The following MROH1 variants were observed in gnomAD, a reference collection of about 807,000 sequenced individuals.
The protein encoded by MROH1 is maestro heat like repeat family member 1.
A neutral mutation model predicts 116.5 loss-of-function variants in MROH1; 117 were observed. That is an observed-to-expected ratio of 1.00 (90% CI 0.86 to 1.17). The LOEUF is 1.17. Ranked by LOEUF, MROH1 falls within the 50% of genes most tolerant of loss-of-function variation. The pLI, the probability that MROH1 is intolerant of heterozygous loss-of-function variation, is 0.00. For synonymous variants in MROH1, 921 were observed against 583.9 expected (o/e 1.58, Z -8.32); for missense variants, 1,873 against 1,338.5 (o/e 1.40, Z -6.23).
At position 144,199,164 on chromosome 8, in the gene MROH1, A is replaced by G. The variant is rs1430903804; in HGVS notation, c.991A>G (p.Asn331Asp). ...GTCCTCAAGCCCCCTGGTGATGAGT[A>G]ACCAGAAGGAGGTGCTGCGCTGCTT... is the stretch of plus-strand genomic sequence containing the variant. ...VESSSPLVMS[N>D]QKEVLRCFTV... Residue 331 changes from asparagine to aspartate, a missense_variant, in exon 11 of 44, where the codon AAC (asparagine) becomes GAC (aspartate). Physicochemically the swap from Asn to Asp is conservative, Grantham distance 23. Transcript: ENST00000326134. The G allele has an allele frequency of 6.2e-7, 1 of 1,613,790 alleles. No homozygotes were observed. The highest frequency in any genetic ancestry group is 2.2e-5 in the East Asian group (1 of 44,884).
chr8:144,256,523 C>T (rs1843841979), intron 35 of MROH1, among the ~76,000 whole-genome samples: 1 of 152,204 alleles, frequency 6.6e-6, no homozygotes, highest in Non-Finnish European at 1.5e-5. Flanking sequence ...GGGCCGGCTG[C>T]CAGCGCTGCT....
intron 1 of MROH1, among the ~76,000 whole-genome samples, chr8:144,157,989 CTTTTTTT>C (rs1157662078): frequency 1.2e-4 from 11 of 88,872 alleles, no homozygotes; most frequent in African/African-American, 3.5e-4. Context: ...CTATTTCTTT[CTTTTTTT>C]TTTTTTTTTT....
intron 7 of MROH1, among the ~76,000 whole-genome samples, chr8:144,188,375 G>C (rs1827721126): frequency 6.6e-6 from 1 of 150,696 alleles, no homozygotes; most frequent in Non-Finnish European, 1.5e-5. Context: ...ACCCCAACCT[G>C]GCCCTCTGCA....
At chr8:144,220,575 G>A in intron 12 of MROH1, 25 bp from the exon 13 acceptor site, 1 of 1,557,602 alleles carries the variant, frequency 6.4e-7, no homozygotes, top group East Asian at 2.4e-5. Flanking sequence ...GTGGTAGGCT[G>A]AGCTGTCCTG....
At chr8:144,245,917 T>C (rs1316672797) in intron 29 of MROH1, among the ~76,000 whole-genome samples, 1 of 152,164 alleles carries the variant, frequency 6.6e-6, no homozygotes, top group East Asian at 1.9e-4. Flanking sequence ...TGTCTCGGCC[T>C]CCTAAAGTGC....
At chr8:144,223,045 T>C (rs1837121185) in intron 13 of MROH1, 63 bp from the exon 14 acceptor site, 4 of 1,603,180 alleles carry the variant, frequency 2.5e-6, no homozygotes, top group East Asian at 2.2e-5. Flanking sequence ...TCCTCTCTGC[T>C]GGCTGGACTG....
chr8:144,157,989 CTTTTTT>C (rs1157662078), intron 1 of MROH1, among the ~76,000 whole-genome samples: 1 of 88,872 alleles, frequency 1.1e-5, no homozygotes. Flanking sequence ...CTATTTCTTT[CTTTTTT>C]TTTTTTTTTT....
intron 4 of MROH1, chr8:144,175,006 A>G (rs1823456253): frequency 1.0e-6 from 1 of 985,434 alleles, no homozygotes; most frequent in Non-Finnish European, 1.2e-6. Context: ...CTCTGGAAAA[A>G]AGCAAAGATT....
In MROH1 at chr8:144,254,918, G is replaced by C; in HGVS notation, c.3534G>C (p.Glu1178Asp). The C allele has an allele frequency of 2.6e-6, 2 of 777,448 alleles. No homozygotes were observed. Among genetic ancestry groups the C allele is most frequent in the Non-Finnish European group, 2.4e-6 (1 of 417,286 alleles). 48.2% of individuals were successfully genotyped at this position (777,448 alleles called of 1,614,324 possible). ...EKMSRDVPFK[E>D]SRAFLLGRTP... Reference sequence around the variant, plus strand: ...TGAGTAGGGACGTCCCTTTCAAGGAGAGCCGGGCCTTCCTGCTGGGCCGCA... The same window carrying C: ...TGAGTAGGGACGTCCCTTTCAAGGACAGCCGGGCCTTCCTGCTGGGCCGCA... Residue 1178 changes from glutamate (E) to aspartate (D), a missense_variant, in exon 34 of 44, where the codon GAG (glutamate) becomes GAC (aspartate). Physicochemically the swap from Glu to Asp is conservative, Grantham distance 45 (BLOSUM62 2). Transcript: ENST00000326134.
At position 144,261,799 on chromosome 8, in the gene MROH1, G is replaced by A. The variant is rs1454257738; in HGVS notation, c.*59G>A. The A allele has an allele frequency of 3.4e-5, 24 of 699,984 alleles. No individual in the cohort carries two copies. The African/African-American group carries it at 3.7e-4, about 11-fold the overall frequency. 43.4% of individuals were successfully genotyped at this position (699,984 alleles called of 1,614,324 possible). ...ACCCAGACCTGTGCCTGAGCTCCAAGACAGGGCCTCCTGAGGACCACAGCC... is the reference window on the plus strand; with the variant it reads ...ACCCAGACCTGTGCCTGAGCTCCAAAACAGGGCCTCCTGAGGACCACAGCC... On this transcript the variant is annotated 3_prime_UTR_variant, in exon 44 of 44. Transcript: ENST00000326134.
chr8:144,244,189 A>G (rs1841490618), intron 26 of MROH1, 33 bp from the exon 27 acceptor site: 4 of 715,226 alleles, frequency 5.6e-6, no homozygotes, highest in Non-Finnish European at 1.0e-5. Context: ...CAGCCTTAGG[A>G]TCATTGTCTG....
Position 144,242,475 on chromosome 8 carries a change from C to T in MROH1, c.2285C>T (p.Ser762Leu). Residue 762 changes from serine to leucine, a missense_variant, in exon 23 of 44, where the codon TCA (serine) becomes TTA (leucine). Ser to Leu is a moderately radical substitution (Grantham distance 145). Coordinates refer to ENST00000326134, the MANE Select transcript of MROH1 (RefSeq NM_032450.3). ...PRELVLAKVE[S>L]DILRNICQHF... Reference sequence around the variant, plus strand: ...GAGCTGGTGCTGGCCAAGGTAGAGTCAGACATCCTCCGGAACATCTGCCAG... The same window carrying T: ...GAGCTGGTGCTGGCCAAGGTAGAGTTAGACATCCTCCGGAACATCTGCCAG... 1.3e-6 allele frequency: 1 copy of T among 780,702 alleles called. No individual in the cohort carries two copies. The highest frequency in any genetic ancestry group is 2.4e-6 in the Non-Finnish European group (1 of 417,824). 48.4% of individuals were successfully genotyped at this position (780,702 alleles called of 1,614,324 possible).
At chr8:144,242,064 T>C in intron 22 of MROH1, 1 of 514,620 alleles carries the variant, frequency 1.9e-6, no homozygotes, top group Non-Finnish European at 3.5e-6. Flanking sequence ...GCCTCCTGCC[T>C]GACTCTCTCA....
intron 15 of MROH1, 25 bp from the exon 16 acceptor site, chr8:144,239,010 C>T (rs1447329372): frequency 1.7e-5 from 13 of 776,304 alleles, no homozygotes; most frequent in African/African-American, 1.5e-4. Flanking sequence ...TGGGCGGATG[C>T]AGACCAGGCC....
In MROH1 at chr8:144,163,713, G is replaced by A. The variant is rs1820101252; in HGVS notation, c.-56-58G>A. On this transcript the variant is annotated intron_variant, in intron 2 of 43. Coordinates refer to ENST00000326134, the MANE Select transcript of MROH1 (RefSeq NM_032450.3). This position sits in a 1 kb window ranked among gnomAD's most constrained non-coding sequence, Gnocchi z 4.4. ...TTTTACATGGAAATGGTAATTGCCT[G>A]TGAACTCAGATATCGTAGAGGCTTA... 3.0e-6 allele frequency: 3 copies of A among 1,014,130 alleles called. No individual in the cohort carries two copies. The highest frequency in any genetic ancestry group is 4.5e-5 in the Admixed American group (2 of 43,970). The allele number at this position is 1,014,130 out of a possible 1,614,324, so 62.8% of individuals were successfully genotyped here.
chr8:144,226,970 G>A (rs1440584436), intron 14 of MROH1, among the ~76,000 whole-genome samples: 1 of 152,088 alleles, frequency 6.6e-6, no homozygotes, highest in Non-Finnish European at 1.5e-5. Flanking sequence ...TCAGCATGTC[G>A]ATTCTGTATA....
At chr8:144,209,064 TGTGTGTGTG>T (rs1833510499) in intron 12 of MROH1, among the ~76,000 whole-genome samples, 1 of 97,940 alleles carries the variant, frequency 1.0e-5, no homozygotes, top group Admixed American at 1.1e-4. Context: ...TGTGTGTGTG[TGTGTGTGTG>T]TTTAGTGGAG....
At chr8:144,218,840 C>A in intron 12 of MROH1, among the ~76,000 whole-genome samples, 1 of 26,348 alleles carries the variant, frequency 3.8e-5, no homozygotes, top group Non-Finnish European at 6.9e-5. Flanking sequence ...CTCCTCCCTT[C>A]CCCTCCCCTG....
rs1410801551 is a variant in MROH1, at chr8:144,220,600, C to G, written c.1142C>G (p.Ala381Gly). The G allele has an allele frequency of 6.4e-7, 1 of 1,570,224 alleles. No homozygotes were observed. Among genetic ancestry groups the G allele is most frequent in the South Asian group, 1.2e-5 (1 of 85,394 alleles). Residue 381 changes from alanine to glycine, a missense_variant and splice_region_variant, in exon 13 of 44, where the codon GCT becomes GGT. Ala to Gly is a moderately conservative substitution (Grantham distance 60). Coordinates refer to ENST00000326134, the MANE Select transcript of MROH1 (RefSeq NM_032450.3). ...GAGCTGTCCTGTTTGTTTCTTGCAG[C>G]TGCTCAGATGGAAGATAAAAAGCCC... ...QVVRHVINSAAAQMEDKKPFI... is the reference protein window; with the variant it reads ...QVVRHVINSAGAQMEDKKPFI...
Sources: gnomAD v4.1 joint callset for allele counts (sites outside exome capture counted in the v4.1 genomes callset) on GRCh38, gnomAD v4.1.1 for gene constraint, Gnocchi (gnomAD v3.1) non-coding constraint, MANE v1.5 for transcripts, NCBI Gene and HGNC (gene_info 2026-07-23, HGNC 2026-07-21) for gene names.